Variants in GPC5 observed in about 807,000 individuals in gnomAD.
The protein encoded by GPC5 is glypican-5.
GPC5 carries 47 observed loss-of-function variants against 53.9 expected under a neutral mutation model. The observed-to-expected ratio is 0.87, with a 90% confidence interval of 0.69 to 1.11. The LOEUF is 1.11. GPC5 is among the 50% of genes most tolerant of loss of function. GPC5 has a pLI of 0.00. For synonymous variants in GPC5, 286 were observed against 263.3 expected (o/e 1.09, Z -0.84); for missense variants, 748 against 713.1 (o/e 1.05, Z -0.56).
chr13:92,599,371 C>A (rs774651368), intron 7 of GPC5, among the ~76,000 whole-genome samples: 1 of 152,036 alleles, frequency 6.6e-6, no homozygotes, highest in African/African-American at 2.4e-5. Context: ...TGAGAAAAGT[C>A]GGCTTGAAGA....
At chr13:92,760,468 T>A (rs1458426684) in intron 7 of GPC5, among the ~76,000 whole-genome samples, 2 of 152,110 alleles carry the variant, frequency 1.3e-5, no homozygotes, top group Admixed American at 1.3e-4. Context: ...CATGCAATTT[T>A]TCATAATAGT....
At chr13:91,499,593 C>A (rs1884503209) in intron 2 of GPC5, among the ~76,000 whole-genome samples, 3 of 152,194 alleles carry the variant, frequency 2.0e-5, no homozygotes, top group African/African-American at 4.8e-5. Context: ...TTTAAAATAA[C>A]TCCTGCCTCA....
At chr13:92,650,403 C>T (rs760549173) in intron 7 of GPC5, among the ~76,000 whole-genome samples, 1 of 152,036 alleles carries the variant, frequency 6.6e-6, no homozygotes, top group African/African-American at 2.4e-5. Flanking sequence ...AGCAAATGGG[C>T]TGCAAATGAA....
chr13:92,250,540 G>A (rs139389020), intron 7 of GPC5, among the ~76,000 whole-genome samples: 22 of 152,082 alleles, frequency 1.4e-4, no homozygotes, highest in African/African-American at 3.9e-4. Flanking sequence ...AAAAACACTC[G>A]GGCAAAGAGT....
intron 7 of GPC5, among the ~76,000 whole-genome samples, chr13:92,235,745 C>T (rs141098519): frequency 6.6e-6 from 1 of 152,202 alleles, no homozygotes; most frequent in East Asian, 1.9e-4. Flanking sequence ...GGACCTTTTT[C>T]ATGTTGCTGC....
At chr13:92,612,317 T>C (rs1884465388) in intron 7 of GPC5, among the ~76,000 whole-genome samples, 1 of 152,128 alleles carries the variant, frequency 6.6e-6, no homozygotes, top group Non-Finnish European at 1.5e-5. Context: ...TCCATAAATA[T>C]TGAGTTTCAG....
chr13:92,494,353 T>G (rs1454040080), intron 7 of GPC5, among the ~76,000 whole-genome samples: 4 of 152,196 alleles, frequency 2.6e-5, no homozygotes, highest in Non-Finnish European at 5.9e-5. Flanking sequence ...CCTCCCAAAG[T>G]TCTGGGATTA....
chr13:92,088,287 T>G (rs2041351717), intron 6 of GPC5, among the ~76,000 whole-genome samples: 1 of 152,176 alleles, frequency 6.6e-6, no homozygotes, highest in African/African-American at 2.4e-5. Flanking sequence ...TGATACAATG[T>G]TCTCTAGTAA....
intron 7 of GPC5, among the ~76,000 whole-genome samples, chr13:92,201,004 C>T (rs1420225552): frequency 6.6e-6 from 1 of 151,578 alleles, no homozygotes; most frequent in Non-Finnish European, 1.5e-5. Flanking sequence ...CACACACACA[C>T]ACACACGCAC....
intron 7 of GPC5, among the ~76,000 whole-genome samples, chr13:92,260,294 C>G (rs1278973851): frequency 1.3e-5 from 2 of 152,184 alleles, no homozygotes; most frequent in Non-Finnish European, 2.9e-5. Flanking sequence ...TTTCCTAACT[C>G]ACTTCTAAGC....
intron 7 of GPC5, among the ~76,000 whole-genome samples, chr13:92,284,664 AGAAAACGCCTCTG>A (rs2139174191): frequency 6.6e-6 from 1 of 152,358 alleles, no homozygotes; most frequent in South Asian, 2.1e-4. Flanking sequence ...CAATAGATGC[AGAAAACGCCTCTG>A]ACAAAATTCA....
At chr13:91,891,290 AAGGCAGATT>A (rs1003001914) in intron 5 of GPC5, among the ~76,000 whole-genome samples, 1 of 152,156 alleles carries the variant, frequency 6.6e-6, no homozygotes, top group African/African-American at 2.4e-5. Context: ...AAGCTTCGCC[AAGGCAGATT>A]TTATGTGCTG....
intron 7 of GPC5, among the ~76,000 whole-genome samples, chr13:92,473,382 G>T (rs1207241912): frequency 6.6e-6 from 1 of 152,064 alleles, no homozygotes; most frequent in Non-Finnish European, 1.5e-5. Flanking sequence ...CTTGTACCAG[G>T]CAGAGGACTA....
chr13:92,579,442 A>C (rs1469724160), intron 7 of GPC5, among the ~76,000 whole-genome samples: 1 of 151,690 alleles, frequency 6.6e-6, no homozygotes, highest in Non-Finnish European at 1.5e-5. Context: ...AACAGGATAC[A>C]CTTGCTCTAT....
chr13:92,388,613 A>G lies in GPC5; in HGVS notation c.1561+243624A>G, dbSNP rs79604213. 7.0e-3 allele frequency among the ~76,000 whole-genome samples: 1,067 copies of G among 152,224 alleles called. 10 individuals are homozygous for G. The highest frequency in any genetic ancestry group is 0.01 in the Middle Eastern group (3 of 294). ...TAATACACACCATGAGGAACCATGGAGTATATCCGTAAGATGATACAGTAG... is the reference window on the plus strand; with the variant it reads ...TAATACACACCATGAGGAACCATGGGGTATATCCGTAAGATGATACAGTAG... On this transcript the variant is annotated intron_variant, in intron 7 of 7. Coordinates refer to ENST00000377067, the MANE Select transcript of GPC5 (RefSeq NM_004466.6).
rs1165407940 is a variant in GPC5, at chr13:92,476,348, C to A, written c.1561+331359C>A. On this transcript the variant is annotated intron_variant, in intron 7 of 7. Coordinates refer to ENST00000377067, the MANE Select transcript of GPC5 (RefSeq NM_004466.6). ...GCAAATCAAAACCACAATGAGATAC[C>A]ATCTCACACCAGTTAGAATGGCAAT... 5.9e-5 allele frequency among the ~76,000 whole-genome samples: 9 copies of A among 151,902 alleles called. 1 individual carries two copies. The South Asian group carries it at 1.7e-3, about 28-fold the overall frequency.
At chr13:92,628,264 C>CTTTTTTTTTT (rs71123419) in intron 7 of GPC5, among the ~76,000 whole-genome samples, 1,280 of 45,296 alleles carry the variant, frequency 0.028, 187 homozygotes, top group Middle Eastern at 0.038. Context: ...CTTTTTCTTT[C>CTTTTTTTTTT]TTTTTTTTTT....
intron 4 of GPC5, among the ~76,000 whole-genome samples, chr13:91,748,755 G>A (rs992188790): frequency 1.3e-5 from 2 of 152,218 alleles, no homozygotes; most frequent in Non-Finnish European, 2.9e-5. Flanking sequence ...GATTAGGGAA[G>A]GAGTTGGAGA....
At chr13:91,995,975 A>G (rs2040500192) in intron 6 of GPC5, 1 of 152,182 alleles carries the variant, frequency 6.6e-6, no homozygotes, top group Non-Finnish European at 1.5e-5. Flanking sequence ...AGACAAGTGC[A>G]TTACTATTCA....
Sources: allele counts gnomAD v4.1 joint callset (sites outside exome capture counted in the v4.1 genomes callset), GRCh38; gene constraint gnomAD v4.1.1; transcripts MANE v1.5; gene names NCBI Gene and HGNC (gene_info 2026-07-23, HGNC 2026-07-21).